ANKFY1: variants seen among roughly 807,000 people sequenced by gnomAD.
ANKFY1 encodes ankyrin repeat and FYVE domain containing 1, also known as ankyrin repeat and FYVE domain-containing protein 1.
ANKFY1 carries 47 observed loss-of-function variants against 128.3 expected under a neutral mutation model. That is an observed-to-expected ratio of 0.37 (90% CI 0.29 to 0.47). The LOEUF is 0.47. ANKFY1 is among the 20% of genes least tolerant of loss of function. The pLI, the probability that ANKFY1 is intolerant of heterozygous loss-of-function variation, is 1.00. For missense variants in ANKFY1, 1,222 were observed against 1,510.6 expected, an observed-to-expected ratio of 0.81 and a Z score of 3.17; for synonymous variants, 553 against 601.6, an observed-to-expected ratio of 0.92 and a Z score of 1.18.
At chr17:4,185,128 T>G (rs1026788255) in intron 11 of ANKFY1, 82 bp from the exon 12 acceptor site, 3 of 1,306,220 alleles carry the variant, frequency 2.3e-6, no homozygotes, top group Non-Finnish European at 3.2e-6. Context: ...GTGCAAAACC[T>G]CGGGTCCTTG....
chr17:4,242,110 G>T, intron 2 of ANKFY1, 146 bp downstream of exon 2: 1 of 711,694 alleles, frequency 1.4e-6, no homozygotes, highest in Non-Finnish European at 2.0e-6. Flanking sequence ...AAAAAATCTT[G>T]CCTCAAGGAG....
intron 1 of ANKFY1, among the ~76,000 whole-genome samples, chr17:4,251,089 C>G (rs551942010): frequency 6.6e-6 from 1 of 152,136 alleles, no homozygotes; most frequent in South Asian, 2.1e-4. Flanking sequence ...GATAGATATC[C>G]AGAGCAATGG....
intron 7 of ANKFY1, among the ~76,000 whole-genome samples, chr17:4,200,785 G>A (rs887330695): frequency 6.6e-6 from 1 of 152,166 alleles, no homozygotes; most frequent in Non-Finnish European, 1.5e-5. Flanking sequence ...TGTGAGTGCA[G>A]ACTCCTTTGA....
At chr17:4,182,100 A>T in intron 15 of ANKFY1, 81 bp downstream of exon 15, 1 of 1,300,108 alleles carries the variant, frequency 7.7e-7, no homozygotes, top group Non-Finnish European at 1.0e-6. Context: ...TGCTCCTGTG[A>T]CAGCTACGCA....
intron 1 of ANKFY1, among the ~76,000 whole-genome samples, chr17:4,243,547 C>A (rs1017091219): frequency 6.6e-6 from 1 of 152,162 alleles, no homozygotes; most frequent in African/African-American, 2.4e-5. Context: ...TGTATACCAG[C>A]CCCATTTTAT....
chr17:4,183,650 G>T, intron 13 of ANKFY1, 99 bp from the exon 14 acceptor site: 1 of 1,497,330 alleles, frequency 6.7e-7, no homozygotes, highest in Non-Finnish European at 9.1e-7. Flanking sequence ...AAAGCCAGCA[G>T]TTTTCCACTG....
intron 24 of ANKFY1, chr17:4,168,148 T>TG (rs1344638577): frequency 7.3e-5 from 30 of 410,756 alleles, no homozygotes; most frequent in African/African-American, 5.4e-4. Context: ...TTTTTTTTTT[T>TG]TTGGAAGATC....
At chr17:4,254,088 G>A (rs952969323) in intron 1 of ANKFY1, among the ~76,000 whole-genome samples, 5 of 152,070 alleles carry the variant, frequency 3.3e-5, no homozygotes, top group African/African-American at 7.2e-5. Context: ...GGCAGATCAC[G>A]AGGTCAGGAG....
Position 4,197,373 on chromosome 17 carries a change from C to T in ANKFY1, c.1103G>A (p.Arg368Lys), listed in dbSNP as rs1384840159. ...GCACAGTGTCTGCTCCCCAGCTTAC[C>T]TCCCCTTGCTGTCCTGCATGTTGGG... is the stretch of plus-strand genomic sequence containing the variant. ...ANPNMQDSKG[R>K]TPLHVSIMAG... is the part of the protein sequence containing the mutation. Residue 368 changes from arginine to lysine, a missense_variant and splice_region_variant, in exon 8 of 25, where the codon AGG becomes AAG. Physicochemically the swap from Arg to Lys is conservative, Grantham distance 26. Transcript: ENST00000341657. 1 of 1,613,942 alleles carries T rather than the reference C, an allele frequency of 6.2e-7. No individual in the cohort carries two copies. The highest frequency in any genetic ancestry group is 8.5e-7 in the Non-Finnish European group (1 of 1,180,032).
Position 4,238,956 on chromosome 17 carries a change from G to C in ANKFY1, c.204-3066C>G, listed in dbSNP as rs112504685. 1.0e-3 allele frequency among the ~76,000 whole-genome samples: 154 copies of C among 152,114 alleles called. 1 individual carries two copies. Among genetic ancestry groups the C allele is most frequent in the African/African-American group, 3.5e-3 (146 of 41,480 alleles). On this transcript the variant is annotated intron_variant, in intron 2 of 24. Transcript: ENST00000341657. The stretch of plus-strand genomic sequence containing the variant: ...GTAATTTTAGTAGAGACAGAGTTTC[G>C]CCATTTGGCCAGGCTGGTGTCAAAC...
intron 4 of ANKFY1, chr17:4,216,734 A>C (rs1296576183): frequency 2.0e-6 from 1 of 507,926 alleles, no homozygotes; most frequent in African/African-American, 1.9e-5. Context: ...TTAATTTTTC[A>C]GTTTATACGA....
intron 4 of ANKFY1, among the ~76,000 whole-genome samples, chr17:4,214,222 A>C (rs919713624): frequency 2.6e-5 from 4 of 152,216 alleles, no homozygotes; most frequent in Non-Finnish European, 4.4e-5. Context: ...CATTGCACCA[A>C]GGGACTCAAA....
chr17:4,182,495 T>C lies in ANKFY1; in HGVS notation c.1953-146A>G, dbSNP rs563460916. 221 of 622,538 alleles carry C rather than the reference T, an allele frequency of 3.5e-4. No homozygotes were observed. The African/African-American group carries it at 3.9e-3, about 11-fold the overall frequency. 38.6% of individuals were successfully genotyped at this position (622,538 alleles called of 1,614,324 possible). ...TCAATATTTTCTCAGGGAAATTAAA[T>C]GTGAAAATAGTGTCTGTCCATTCTG... On this transcript the variant is annotated intron_variant, in intron 14 of 24. Transcript: ENST00000341657.
intron 11 of ANKFY1, chr17:4,188,108 G>C (rs1055772118): frequency 6.6e-6 from 1 of 152,372 alleles, no homozygotes; most frequent in Non-Finnish European, 1.5e-5. Flanking sequence ...AGGTGAGAGG[G>C]CACGAGATGC....
At position 4,169,135 on chromosome 17, in the gene ANKFY1, G is replaced by T; in HGVS notation, c.3377+63C>A. 6.9e-7 allele frequency: 1 copy of T among 1,445,554 alleles called. No individual in the cohort carries two copies. Among genetic ancestry groups the T allele is most frequent in the Non-Finnish European group, 9.5e-7 (1 of 1,052,716 alleles). 89.5% of individuals were successfully genotyped at this position (1,445,554 alleles called of 1,614,324 possible). On this transcript the variant is annotated intron_variant, in intron 24 of 24. Transcript: ENST00000341657. The surrounding 1 kb of genome is among the most constrained non-coding windows in gnomAD (Gnocchi z 5.0). ...CAAGTTCACGGCCTGTCCTGGAGAA[G>T]GGGGGAAGCAATGACATCAGCGGCA...
Position 4,263,914 on chromosome 17 carries a change from T to G in ANKFY1, c.10+18A>C, listed in dbSNP as rs766626904. The G allele has an allele frequency of 6.2e-7, 1 of 1,613,772 alleles. No homozygotes were observed. Among genetic ancestry groups the G allele is most frequent in the Non-Finnish European group, 8.5e-7 (1 of 1,179,882 alleles). On this transcript the variant is annotated intron_variant, in intron 1 of 24. Coordinates refer to ENST00000341657, the MANE Select transcript of ANKFY1 (RefSeq NM_001330063.2). Reference sequence around the variant, plus strand: ...ACAGCTCCGTGTCTTCCCGCGCGGCTCCACAAAAAAACCCTACCTTCCGCC... The same window carrying G: ...ACAGCTCCGTGTCTTCCCGCGCGGCGCCACAAAAAAACCCTACCTTCCGCC...
intron 10 of ANKFY1, among the ~76,000 whole-genome samples, chr17:4,190,241 G>T (rs1426005877): frequency 6.6e-6 from 1 of 152,154 alleles, no homozygotes; most frequent in Non-Finnish European, 1.5e-5. Flanking sequence ...AGCAGTTTGA[G>T]ATCAGCCCGG....
At chr17:4,263,145 A>G (rs1226189783) in intron 1 of ANKFY1, among the ~76,000 whole-genome samples, 1 of 152,216 alleles carries the variant, frequency 6.6e-6, no homozygotes, top group Non-Finnish European at 1.5e-5. Context: ...CCCTACGTGT[A>G]CAATAAGGCT....
chr17:4,259,742 G>A (rs1182832758), intron 1 of ANKFY1, among the ~76,000 whole-genome samples: 4 of 152,166 alleles, frequency 2.6e-5, no homozygotes, highest in African/African-American at 9.7e-5. Context: ...TTTCTTGATG[G>A]CTAGCAGGTG....
Sources: gnomAD v4.1 joint callset for allele counts (sites outside exome capture counted in the v4.1 genomes callset) on GRCh38, gnomAD v4.1.1 for gene constraint, Gnocchi (gnomAD v3.1) non-coding constraint, MANE v1.5 for transcripts, NCBI Gene and HGNC (gene_info 2026-07-23, HGNC 2026-07-21) for gene names.